The following CHST11 variants were observed in gnomAD, a reference collection of about 807,000 sequenced individuals.
CHST11 encodes C4S-1.
In CHST11, 9 loss-of-function variants were observed where a neutral mutation model predicts 30.4. The ratio of observed to expected loss-of-function variants is 0.30; its 90% CI spans 0.18 to 0.52. The LOEUF (loss-of-function observed/expected upper bound fraction) is 0.52. CHST11 is among the 20% of genes least tolerant of loss of function. CHST11 has a pLI of 0.97. For missense variants in CHST11, 348 were observed against 460.6 expected (o/e 0.76, Z 2.24); for synonymous variants, 152 against 187.8 (o/e 0.81, Z 1.56).
At chr12:104,701,300 A>G (rs1050269367) in intron 2 of CHST11, among the ~76,000 whole-genome samples, 12 of 152,144 alleles carry the variant, frequency 7.9e-5, no homozygotes, top group African/African-American at 2.7e-4. Flanking sequence ...GATGGGATCA[A>G]TCCCTTTGAT....
At chr12:104,484,539 A>C (rs756322316) in intron 1 of CHST11, among the ~76,000 whole-genome samples, 1 of 152,206 alleles carries the variant, frequency 6.6e-6, no homozygotes, top group Non-Finnish European at 1.5e-5. Context: ...CATCTATAAA[A>C]TGGGTATACA....
At chr12:104,550,102 C>G (rs764776244) in intron 1 of CHST11, among the ~76,000 whole-genome samples, 1 of 152,104 alleles carries the variant, frequency 6.6e-6, no homozygotes, top group Admixed American at 6.5e-5. Flanking sequence ...TAGAGGCACC[C>G]CTTGTGGCTG....
Position 104,527,062 on chromosome 12 carries a change from G to A in CHST11, c.118+69533G>A, listed in dbSNP as rs140107326. On this transcript the variant is annotated intron_variant, in intron 1 of 2. Coordinates refer to ENST00000303694, the MANE Select transcript of CHST11 (RefSeq NM_018413.6). The stretch of plus-strand genomic sequence containing the variant: ...TTGCCAGTCCTTTCATGGTGTAACG[G>A]GTTGAATTGTGTCTCCCCACAAATT... 3.9e-5 allele frequency among the ~76,000 whole-genome samples: 6 copies of A among 152,250 alleles called. No homozygotes were observed. The East Asian group carries it at 1.2e-3, about 29-fold the overall frequency.
chr12:104,585,657 A>G (rs1486236260), intron 1 of CHST11, among the ~76,000 whole-genome samples: 1 of 152,202 alleles, frequency 6.6e-6, no homozygotes, highest in South Asian at 2.1e-4. Flanking sequence ...ATGGGAACCC[A>G]TGTGTATCAG....
chr12:104,542,626 G>C (rs1344755935), intron 1 of CHST11, among the ~76,000 whole-genome samples: 1 of 152,228 alleles, frequency 6.6e-6, no homozygotes, highest in African/African-American at 2.4e-5. Flanking sequence ...AGGACCTGGA[G>C]CCCCAGTGTC....
chr12:104,590,877 G>A (rs1218875555), intron 1 of CHST11, among the ~76,000 whole-genome samples: 1 of 151,704 alleles, frequency 6.6e-6, no homozygotes, highest in Non-Finnish European at 1.5e-5. Context: ...AGCCAATATC[G>A]CACCACTTTA....
intron 1 of CHST11, among the ~76,000 whole-genome samples, chr12:104,522,927 A>G (rs550870488): frequency 7.2e-5 from 11 of 152,274 alleles, no homozygotes; most frequent in African/African-American, 2.4e-4. Context: ...GAGGATTTCA[A>G]TCTGATCATT....
chr12:104,479,909 G>A lies in CHST11; in HGVS notation c.118+22380G>A, dbSNP rs75464973. On this transcript the variant is annotated intron_variant, in intron 1 of 2. Coordinates refer to ENST00000303694, the MANE Select transcript of CHST11 (RefSeq NM_018413.6). ...GTGGGAAGAGGGAGAGAGGTCCAGC[G>A]GAGGGCATTCCCCTTGGATCCATCA... Among the ~76,000 whole-genome samples, 1,897 of 152,260 alleles carry A rather than the reference G, an allele frequency of 0.012. 74 individuals are homozygous for A. The East Asian group carries it at 0.16, about 13-fold the overall frequency.
intron 1 of CHST11, among the ~76,000 whole-genome samples, chr12:104,518,373 G>A (rs1392263681): frequency 6.6e-6 from 1 of 152,194 alleles, no homozygotes; most frequent in African/African-American, 2.4e-5. Flanking sequence ...AGATTCGGAT[G>A]ATACACATGT....
At chr12:104,484,214 A>T (rs936207193) in intron 1 of CHST11, among the ~76,000 whole-genome samples, 1 of 152,152 alleles carries the variant, frequency 6.6e-6, no homozygotes, top group Non-Finnish European at 1.5e-5. Flanking sequence ...AAGGAGGGAA[A>T]GACTGGGCTT....
chr12:104,457,649 C>T, intron 1 of CHST11, 120 bp downstream of exon 1: 1 of 772,650 alleles, frequency 1.3e-6, no homozygotes, highest in Non-Finnish European at 2.3e-6. Context: ...CTTCGGGGCT[C>T]CTGGCTGCCC....
intron 1 of CHST11, among the ~76,000 whole-genome samples, chr12:104,556,923 G>A (rs942040838): frequency 6.6e-6 from 1 of 150,862 alleles, no homozygotes; most frequent in African/African-American, 2.4e-5. Flanking sequence ...GGAGGCTACA[G>A]TGAGCTAAGA....
chr12:104,682,108 C>T (rs560773865), intron 2 of CHST11, among the ~76,000 whole-genome samples: 1 of 152,286 alleles, frequency 6.6e-6, no homozygotes, highest in African/African-American at 2.4e-5. Flanking sequence ...GCTGGGATTA[C>T]AGGCGTGAGC....
chr12:104,661,972 A>C (rs2039602548), intron 2 of CHST11, among the ~76,000 whole-genome samples: 1 of 152,234 alleles, frequency 6.6e-6, no homozygotes, highest in Non-Finnish European at 1.5e-5. Context: ...TTAATTAAAC[A>C]TCCTGAGCCT....
At chr12:104,631,617 T>C (rs1444169564) in intron 2 of CHST11, among the ~76,000 whole-genome samples, 1 of 152,168 alleles carries the variant, frequency 6.6e-6, no homozygotes, top group Non-Finnish European at 1.5e-5. Flanking sequence ...GAGCTCCCCA[T>C]GGGATCAGAA....
Position 104,458,297 on chromosome 12 carries a change from A to C in CHST11, c.118+768A>C, listed in dbSNP as rs2037374901. ...CTTGACCACTGCAGTTTTGGAGGAA[A>C]CTTTGGCCAGGTCCTGGGCTGACCG... On this transcript the variant is annotated intron_variant, in intron 1 of 2. Transcript: ENST00000303694. This position sits in a 1 kb window ranked among gnomAD's most constrained non-coding sequence, Gnocchi z 5.7. Among the ~76,000 whole-genome samples the C allele has an allele frequency of 6.6e-6, 1 of 152,118 alleles. No homozygotes were observed. Among genetic ancestry groups the C allele is most frequent in the Non-Finnish European group, 1.5e-5 (1 of 68,014 alleles).
At chr12:104,502,700 G>A (rs2037863179) in intron 1 of CHST11, among the ~76,000 whole-genome samples, 2 of 152,204 alleles carry the variant, frequency 1.3e-5, no homozygotes, top group African/African-American at 4.8e-5. Flanking sequence ...TGCAAACTGA[G>A]TTAAGAGAGA....
At chr12:104,696,969 T>C (rs1395844387) in intron 2 of CHST11, among the ~76,000 whole-genome samples, 1 of 152,246 alleles carries the variant, frequency 6.6e-6, no homozygotes, top group Non-Finnish European at 1.5e-5. Flanking sequence ...CCAATTACTG[T>C]ATCATGTTCC....
chr12:104,698,831 C>T (rs575270479), intron 2 of CHST11, among the ~76,000 whole-genome samples: 7 of 152,188 alleles, frequency 4.6e-5, no homozygotes, highest in Non-Finnish European at 8.8e-5. Flanking sequence ...TATCTGTTTA[C>T]TAAAGCAAGC....
Sources: gnomAD v4.1 joint callset for allele counts (sites outside exome capture counted in the v4.1 genomes callset) on GRCh38, gnomAD v4.1.1 for gene constraint, Gnocchi (gnomAD v3.1) non-coding constraint, MANE v1.5 for transcripts, NCBI Gene and HGNC (gene_info 2026-07-23, HGNC 2026-07-21) for gene names.